Variants in NBDY observed in about 807,000 individuals in gnomAD.
NBDY encodes the protein negative regulator of P-body association, also known as P-body dissociating protein.
In NBDY at chrX:56,818,711, A is replaced by G. The variant is rs2069921605; in HGVS notation, c.*1558A>G. On this transcript the variant is annotated 3_prime_UTR_variant, in exon 3 of 3. Coordinates refer to ENST00000374922, the MANE Select transcript of NBDY (RefSeq NM_001348129.2). Reference sequence around the variant, plus strand: ...GATTCTAAAGTTCATATGAAAATGTAATGGACCCAGAATAGCCAAAACAAT... The same window carrying G: ...GATTCTAAAGTTCATATGAAAATGTGATGGACCCAGAATAGCCAAAACAAT... 8.9e-6 allele frequency: 1 copy of G among 112,116 alleles called. No homozygotes were observed. Among genetic ancestry groups the G allele is most frequent in the African/African-American group, 3.2e-5 (1 of 30,892 alleles). The allele number at this position is 112,116 out of a possible 1,213,427, so 9.2% of individuals were successfully genotyped here.
chrX:56,731,582 A>G (rs1026287004), intron 1 of NBDY, among the ~76,000 whole-genome samples: 1 of 110,376 alleles, frequency 9.1e-6, no homozygotes, highest in Non-Finnish European at 1.9e-5. Context: ...AAAATAAATA[A>G]ATAAATAATT....
intron 2 of NBDY, among the ~76,000 whole-genome samples, chrX:56,816,185 A>C (rs1490233980): frequency 1.8e-5 from 2 of 111,096 alleles, no homozygotes; most frequent in Non-Finnish European, 3.8e-5. Flanking sequence ...TGATAGAAAT[A>C]TAGTCAAAGA....
At chrX:56,767,361 G>C (rs1048095694) in intron 2 of NBDY, among the ~76,000 whole-genome samples, 1 of 113,076 alleles carries the variant, frequency 8.8e-6, no homozygotes, top group Non-Finnish European at 1.9e-5. Context: ...CGCTCTCGGC[G>C]CCCCCTCGGC....
chrX:56,756,397 C>T (rs1173094517), intron 2 of NBDY, among the ~76,000 whole-genome samples: 1 of 105,894 alleles, frequency 9.4e-6, no homozygotes, highest in Non-Finnish European at 1.9e-5. Flanking sequence ...GAAAAGGATA[C>T]ACCCTATTAA....
At chrX:56,736,020 C>G (rs1408932274) in intron 2 of NBDY, among the ~76,000 whole-genome samples, 1 of 109,972 alleles carries the variant, frequency 9.1e-6, no homozygotes, top group Non-Finnish European at 1.9e-5. Context: ...TTTAAATATG[C>G]TCTTTATGAT....
chrX:56,736,664 G>A (rs769953430), intron 2 of NBDY, among the ~76,000 whole-genome samples: 1 of 112,764 alleles, frequency 8.9e-6, no homozygotes, highest in East Asian at 2.8e-4. Context: ...CATTTCCAAA[G>A]TGGAAAAGTC....
At chrX:56,807,798 A>C (rs2069860831) in intron 2 of NBDY, among the ~76,000 whole-genome samples, 1 of 111,738 alleles carries the variant, frequency 8.9e-6, no homozygotes, top group Non-Finnish European at 1.9e-5. Flanking sequence ...CTAATTGAAT[A>C]CCCTTTATTT....
At chrX:56,791,386 T>G (rs1479365951) in intron 2 of NBDY, among the ~76,000 whole-genome samples, 1 of 112,052 alleles carries the variant, frequency 8.9e-6, no homozygotes, top group African/African-American at 3.2e-5. Context: ...CTCTTTTCCC[T>G]GGTGTCCGAT....
At chrX:56,808,693 T>A (rs1288760712) in intron 2 of NBDY, among the ~76,000 whole-genome samples, 5 of 112,103 alleles carry the variant, frequency 4.5e-5, no homozygotes, top group African/African-American at 1.6e-4. Context: ...ATTTTGTTGA[T>A]CTTTTCAAAA....
intron 2 of NBDY, among the ~76,000 whole-genome samples, chrX:56,794,316 C>A (rs376511564): frequency 8.9e-6 from 1 of 112,049 alleles, no homozygotes; most frequent in South Asian, 3.8e-4. Context: ...GATGGCACTG[C>A]GACTCCACAA....
At chrX:56,798,815 C>A (rs1380460417) in intron 2 of NBDY, among the ~76,000 whole-genome samples, 1 of 112,053 alleles carries the variant, frequency 8.9e-6, no homozygotes. Context: ...GTCATTGGGA[C>A]CTGTGAGTTT....
intron 2 of NBDY, among the ~76,000 whole-genome samples, chrX:56,796,353 C>T (rs1392422665): frequency 8.9e-6 from 1 of 112,296 alleles, no homozygotes; most frequent in African/African-American, 3.2e-5. Flanking sequence ...CTCTCAACTT[C>T]ATTGCTCACT....
intron 2 of NBDY, among the ~76,000 whole-genome samples, chrX:56,767,512 A>C (rs2069672780): frequency 8.9e-6 from 1 of 112,478 alleles, no homozygotes; most frequent in Non-Finnish European, 1.9e-5. Flanking sequence ...GGGCGGTAAC[A>C]CGAGCTACTC....
chrX:56,805,572 C>A (rs2069844738), intron 2 of NBDY, among the ~76,000 whole-genome samples: 1 of 111,924 alleles, frequency 8.9e-6, no homozygotes, highest in Non-Finnish European at 1.9e-5. Context: ...GCAGAGGATG[C>A]AGGATGGGGT....
chrX:56,751,386 T>A (rs2069584654), intron 2 of NBDY, among the ~76,000 whole-genome samples: 1 of 112,124 alleles, frequency 8.9e-6, no homozygotes, highest in African/African-American at 3.2e-5. Flanking sequence ...TTATTGCACA[T>A]GTCAAACAAT....
intron 2 of NBDY, among the ~76,000 whole-genome samples, chrX:56,799,616 G>A (rs549804924): frequency 8.8e-6 from 1 of 113,413 alleles, no homozygotes; most frequent in Admixed American, 9.2e-5. Flanking sequence ...CTGGAAGAAG[G>A]CAAGTGTCCT....
chrX:56,787,928 TG>T (rs1236184778), intron 2 of NBDY, among the ~76,000 whole-genome samples: 1 of 112,937 alleles, frequency 8.9e-6, no homozygotes, highest in African/African-American at 3.2e-5. Flanking sequence ...TCTCCTAGTC[TG>T]GGGGCAAATC....
chrX:56,786,953 C>T (rs191722000), intron 2 of NBDY, among the ~76,000 whole-genome samples: 10 of 111,362 alleles, frequency 9.0e-5, no homozygotes, highest in Admixed American at 8.6e-4. Context: ...GAATGAATGC[C>T]CCCTTCACCC....
chrX:56,814,335 G>A (rs778398146), intron 2 of NBDY, among the ~76,000 whole-genome samples: 42 of 105,922 alleles, frequency 4.0e-4, no homozygotes, highest in Middle Eastern at 4.8e-3. Context: ...TTTTTTTTTC[G>A]TGGCTTATCA....
Sources: allele counts gnomAD v4.1 joint callset (sites outside exome capture counted in the v4.1 genomes callset), GRCh38; gene constraint gnomAD v4.1.1; transcripts MANE v1.5; gene names NCBI Gene and HGNC (gene_info 2026-07-23, HGNC 2026-07-21).